ZRANB1: variants seen among roughly 807,000 people sequenced by gnomAD.
The protein encoded by ZRANB1 is ubiquitin thioesterase ZRANB1.
Under a neutral mutation model 80.5 loss-of-function variants are expected in ZRANB1, and 16 were observed. That is an observed-to-expected ratio of 0.20 (90% confidence interval 0.13 to 0.30). The LOEUF (loss-of-function observed/expected upper bound fraction) is 0.30, where lower values mean the gene tolerates loss of function less well. ZRANB1 is among the 10% of genes least tolerant of loss of function. The probability of loss-of-function intolerance (pLI) is 1.00; values close to 1 mark genes in which losing one functional copy is unlikely to be tolerated. For missense variants in ZRANB1, 576 were observed against 862.6 expected, an observed-to-expected ratio of 0.67 and a Z score of 4.16; for synonymous variants, 291 against 293.1, an observed-to-expected ratio of 0.99 and a Z score of 0.07.
At chr10:124,946,602 G>A (rs1951586269) in intron 1 of ZRANB1, among the ~76,000 whole-genome samples, 1 of 152,118 alleles carries the variant, frequency 6.6e-6, no homozygotes, top group Non-Finnish European at 1.5e-5. Context: ...TGTGGACTAT[G>A]TCTTTCCTAT....
At chr10:124,924,209 A>T in the ZRANB1 span, among the ~76,000 whole-genome samples, 1 of 151,704 alleles carries the variant, frequency 6.6e-6, no homozygotes, top group African/African-American at 2.4e-5. Flanking sequence ...ACCTGGCCAT[A>T]ATGTGGGTGG....
intron 1 of ZRANB1, among the ~76,000 whole-genome samples, chr10:124,965,967 A>T (rs4962713): frequency 0.67 from 101,891 of 152,020 alleles, 35,084 homozygotes; most frequent in Middle Eastern, 0.75. Flanking sequence ...CGTATTTTAT[A>T]TGAAATCATC....
intron 1 of ZRANB1, among the ~76,000 whole-genome samples, chr10:124,953,053 TA>T (rs1237734682): frequency 6.6e-6 from 1 of 151,480 alleles, no homozygotes; most frequent in African/African-American, 2.4e-5. Context: ...GCCTCCCAAG[TA>T]GCTGGGATTA....
upstream of ZRANB1, chr10:124,940,409 G>A (rs1951524499): frequency 4.5e-6 from 4 of 881,528 alleles, no homozygotes; most frequent in Non-Finnish European, 6.3e-6. Context: ...CACTTATCAC[G>A]TTTTGCAGTA....
At position 124,985,231 on chromosome 10, in the gene ZRANB1, C is replaced by A. The variant is rs1952006811; in HGVS notation, c.*239C>A. On this transcript the variant is annotated 3_prime_UTR_variant, in exon 9 of 9. Coordinates refer to ENST00000359653, the MANE Select transcript of ZRANB1 (RefSeq NM_017580.3). ...AAAAACTAATTTTATTAAGACAGAACTTTTTTTCCTTCCAAATTGTAAATC... is the reference window on the plus strand; with the variant it reads ...AAAAACTAATTTTATTAAGACAGAAATTTTTTTCCTTCCAAATTGTAAATC... 1 of 418,764 alleles carries A rather than the reference C, an allele frequency of 2.4e-6. No homozygotes were observed. The highest frequency in any genetic ancestry group is 3.7e-5 in the East Asian group (1 of 27,260). 25.9% of individuals were successfully genotyped at this position (418,764 alleles called of 1,614,324 possible).
chr10:124,920,175 C>T, the ZRANB1 span, among the ~76,000 whole-genome samples: 2 of 150,742 alleles, frequency 1.3e-5, no homozygotes, highest in Non-Finnish European at 1.5e-5. Context: ...ATCTGCCTGC[C>T]TCGGCCTCCC....
At position 124,961,006 on chromosome 10, in the gene ZRANB1, G is replaced by GTT. The variant is rs869141836; in HGVS notation, c.815-5577_815-5576dup. 2.1e-4 allele frequency among the ~76,000 whole-genome samples: 30 copies of GTT among 141,890 alleles called. No individual in the cohort carries two copies. The East Asian group carries it at 5.7e-3, about 27-fold the overall frequency. The allele number at this position is 141,890 out of a possible 152,430, so 93.1% of individuals were successfully genotyped here. Reference sequence around the variant, plus strand: ...CCTAAGAGTTTTTGTTTTGTTTTTTGTTTTTTTTTTTTAGACAGAGTTTCG... The same window carrying GTT: ...CCTAAGAGTTTTTGTTTTGTTTTTTGTTTTTTTTTTTTTTAGACAGAGTTTCG... On this transcript the variant is annotated intron_variant, in intron 1 of 8. Transcript: ENST00000359653.
At chr10:124,984,570 T>G in intron 8 of ZRANB1, 1 of 539,080 alleles carries the variant, frequency 1.9e-6, no homozygotes, top group Non-Finnish European at 3.2e-6. Flanking sequence ...TTCTGAGAAA[T>G]TTCCCATTTA....
intron 5 of ZRANB1, among the ~76,000 whole-genome samples, chr10:124,976,358 G>T (rs1030779264): frequency 6.6e-6 from 1 of 152,112 alleles, no homozygotes; most frequent in Non-Finnish European, 1.5e-5. Flanking sequence ...ACTGCTATGG[G>T]CCTGTCTATG....
chr10:124,969,241 C>G (rs1444743983), intron 2 of ZRANB1, among the ~76,000 whole-genome samples: 4 of 152,196 alleles, frequency 2.6e-5, no homozygotes, highest in Non-Finnish European at 4.4e-5. Flanking sequence ...AAGCAACATA[C>G]CATTACTTTT....
chr10:124,977,711 GAAAAAAAAA>G (rs752296814), intron 5 of ZRANB1, among the ~76,000 whole-genome samples: 4,108 of 48,690 alleles, frequency 0.084, 99 homozygotes, highest in Middle Eastern at 0.13. Context: ...ACCCTGCTAA[GAAAAAAAAA>G]AAAAAAAAAA....
At chr10:124,981,658 T>C in intron 5 of ZRANB1, 51 bp from the exon 6 acceptor site, 8 of 1,474,738 alleles carry the variant, frequency 5.4e-6, no homozygotes, top group Non-Finnish European at 7.3e-6. Context: ...CTTTAAATGT[T>C]TTATTTATAG....
At chr10:124,982,050 C>T (rs899371802) in intron 6 of ZRANB1, among the ~76,000 whole-genome samples, 7 of 143,144 alleles carry the variant, frequency 4.9e-5, no homozygotes, top group African/African-American at 1.1e-4. Context: ...CATCGCAAGT[C>T]CTCACTGCAG....
the ZRANB1 span, among the ~76,000 whole-genome samples, chr10:124,926,587 C>A: frequency 6.6e-6 from 1 of 152,132 alleles, no homozygotes; most frequent in African/African-American, 2.4e-5. Flanking sequence ...TTCTAGAATA[C>A]CTCCTGAAGG....
Position 124,983,412 on chromosome 10 carries a change from G to A in ZRANB1, c.1679-47G>A, listed in dbSNP as rs758870712. 2 of 1,590,840 alleles carry A rather than the reference G, an allele frequency of 1.3e-6. No homozygotes were observed. Among genetic ancestry groups the A allele is most frequent in the Non-Finnish European group, 1.7e-6 (2 of 1,164,862 alleles). ...TGTGAACAAGGGCAGTGAGGGAGTG[G>A]CTCTTTCTTCCTGTGACTGTTGGGA... On this transcript the variant is annotated intron_variant, in intron 7 of 8. Coordinates refer to ENST00000359653, the MANE Select transcript of ZRANB1 (RefSeq NM_017580.3). This position sits in a 1 kb window ranked among gnomAD's most constrained non-coding sequence, Gnocchi z 6.2.
At chr10:124,921,788 T>G in the ZRANB1 span, among the ~76,000 whole-genome samples, 1 of 151,926 alleles carries the variant, frequency 6.6e-6, no homozygotes, top group East Asian at 1.9e-4. Flanking sequence ...ATTATACCAG[T>G]GATTTCACCA....
chr10:124,919,908 GCCC>G, the ZRANB1 span, among the ~76,000 whole-genome samples: 535 of 56,688 alleles, frequency 9.4e-3, 4 homozygotes, highest in East Asian at 0.049. Context: ...ACCGCGCCCG[GCCC>G]CCCCCCCCCC....
At position 124,942,766 on chromosome 10, in the gene ZRANB1, C is replaced by T; in HGVS notation, c.273C>T (p.His91=). 1 of 1,614,214 alleles carries T rather than the reference C, an allele frequency of 6.2e-7. No homozygotes were observed. The highest frequency in any genetic ancestry group is 8.5e-7 in the Non-Finnish European group (1 of 1,180,046). The change falls in exon 1 of 9, where the codon CAC becomes CAT. Residue 91 remains histidine, a synonymous_variant. Transcript: ENST00000359653. ...SMENANKWSC[H]MCTYLNWPRA... is the part of the protein sequence containing the mutation. ...AAAATGCAAATAAGTGGTCATGCCACATGTGTACATATTTGAACTGGCCAA... is the reference window on the plus strand; with the variant it reads ...AAAATGCAAATAAGTGGTCATGCCATATGTGTACATATTTGAACTGGCCAA...
At chr10:124,980,358 C>T (rs1488713352) in intron 5 of ZRANB1, among the ~76,000 whole-genome samples, 1 of 152,178 alleles carries the variant, frequency 6.6e-6, no homozygotes, top group African/African-American at 2.4e-5. Context: ...CTCCCTTCTT[C>T]AGTGGTCTTT....
Sources: gnomAD v4.1 joint callset for allele counts (sites outside exome capture counted in the v4.1 genomes callset) on GRCh38, gnomAD v4.1.1 for gene constraint, Gnocchi (gnomAD v3.1) non-coding constraint, MANE v1.5 for transcripts, NCBI Gene and HGNC (gene_info 2026-07-23, HGNC 2026-07-21) for gene names.